ADGRB3: variants seen among roughly 807,000 people sequenced by gnomAD.
The protein encoded by ADGRB3 is brain-specific angiogenesis inhibitor 3.
ADGRB3 carries 37 observed loss-of-function variants against 193.4 expected under a neutral mutation model. The ratio of observed to expected loss-of-function variants is 0.19; its 90% CI spans 0.15 to 0.25. ADGRB3 has a LOEUF of 0.25. ADGRB3 is among the 10% of genes least tolerant of loss of function. ADGRB3 has a pLI of 1.00. For synonymous variants in ADGRB3, 690 were observed against 644.2 expected (o/e 1.07, Z -1.08); for missense variants, 1,637 against 1,852.9 (o/e 0.88, Z 2.14).
chr6:68,692,068 C>G (rs1245374401), intron 3 of ADGRB3, among the ~76,000 whole-genome samples: 1 of 151,782 alleles, frequency 6.6e-6, no homozygotes, highest in Non-Finnish European at 1.5e-5. Flanking sequence ...ATATACTCAT[C>G]TGCAAAAACC....
chr6:68,992,811 G>A (rs918053343), intron 10 of ADGRB3, among the ~76,000 whole-genome samples: 1 of 152,024 alleles, frequency 6.6e-6, no homozygotes, highest in African/African-American at 2.4e-5. Context: ...TAAAAGATTT[G>A]TTGGCACAGT....
chr6:69,219,853 T>G (rs1765855401), intron 17 of ADGRB3, among the ~76,000 whole-genome samples: 1 of 152,086 alleles, frequency 6.6e-6, no homozygotes, highest in East Asian at 1.9e-4. Flanking sequence ...TAATATAAAC[T>G]ATATTGTGCT....
At chr6:69,146,097 G>A (rs1207138603) in intron 17 of ADGRB3, among the ~76,000 whole-genome samples, 13 of 152,054 alleles carry the variant, frequency 8.5e-5, no homozygotes, top group South Asian at 4.1e-4. Flanking sequence ...TACTTGCCTC[G>A]TACCACTTTT....
intron 5 of ADGRB3, 73 bp downstream of exon 5, chr6:68,936,753 A>G: frequency 6.7e-7 from 1 of 1,485,938 alleles, no homozygotes; most frequent in South Asian, 1.3e-5. Context: ...ACGATTTGTT[A>G]TTTTCATATG....
chr6:68,783,224 A>G (rs1726074904), intron 3 of ADGRB3, among the ~76,000 whole-genome samples: 1 of 150,354 alleles, frequency 6.7e-6, no homozygotes, highest in African/African-American at 2.4e-5. Flanking sequence ...TTGAACAGCC[A>G]AGATTCTGAT....
chr6:69,216,003 T>C (rs1055946157), intron 17 of ADGRB3, among the ~76,000 whole-genome samples: 2 of 152,168 alleles, frequency 1.3e-5, no homozygotes, highest in Admixed American at 6.6e-5. Flanking sequence ...TCGTCTTCCA[T>C]TGGGATAGGA....
chr6:68,821,015 C>A (rs1378178230), intron 3 of ADGRB3, among the ~76,000 whole-genome samples: 2 of 151,970 alleles, frequency 1.3e-5, no homozygotes, highest in African/African-American at 4.8e-5. Context: ...TCAAATGTCA[C>A]CTTCCTTAGG....
In ADGRB3 at chr6:69,355,854, C is replaced by A. The variant is rs753963400; in HGVS notation, c.3589C>A (p.Arg1197=). The A allele has an allele frequency of 2.5e-6, 4 of 1,604,176 alleles. No individual in the cohort carries two copies. Among genetic ancestry groups the A allele is most frequent in the South Asian group, 2.2e-5 (2 of 90,758 alleles). ...DFEKDVDIAC[R]SVLHKDIGPC... ...TGAAAAGGATGTAGACATTGCCTGT[C>A]GATCAGGTAAGAATATTTAGATTTT... is the stretch of plus-strand genomic sequence containing the variant. Residue 1197 remains arginine, a synonymous_variant, in exon 28 of 32, where the codon CGA becomes AGA. Coordinates refer to ENST00000370598, the MANE Select transcript of ADGRB3 (RefSeq NM_001704.3).
intron 3 of ADGRB3, among the ~76,000 whole-genome samples, chr6:68,872,241 C>A (rs1265611815): frequency 2.0e-5 from 3 of 152,062 alleles, no homozygotes; most frequent in Admixed American, 6.6e-5. Context: ...TTTTTGAAGA[C>A]AAGTCTTTGC....
chr6:69,030,134 G>A (rs975880471), intron 13 of ADGRB3, among the ~76,000 whole-genome samples: 4 of 152,004 alleles, frequency 2.6e-5, no homozygotes, highest in African/African-American at 9.7e-5. Flanking sequence ...GAGAGGATGT[G>A]GAGAAATAGG....
At chr6:69,196,321 G>C (rs763029233) in intron 17 of ADGRB3, among the ~76,000 whole-genome samples, 5 of 152,010 alleles carry the variant, frequency 3.3e-5, no homozygotes, top group Non-Finnish European at 7.4e-5. Context: ...TGGTAAACAG[G>C]CTGGCCTTTC....
At chr6:69,315,029 G>T (rs1196519214) in intron 20 of ADGRB3, among the ~76,000 whole-genome samples, 1 of 151,348 alleles carries the variant, frequency 6.6e-6, no homozygotes, top group African/African-American at 2.4e-5. Flanking sequence ...AGTTGGTGGT[G>T]ATTTGAACAA....
intron 1 of ADGRB3, among the ~76,000 whole-genome samples, chr6:68,636,480 A>AT (rs1554162469): frequency 2.0e-5 from 3 of 149,518 alleles, no homozygotes; most frequent in South Asian, 2.1e-4. Context: ...AAATAAATAA[A>AT]ACATCCTTGA....
At chr6:69,276,430 C>T (rs990571338) in intron 20 of ADGRB3, among the ~76,000 whole-genome samples, 1 of 152,100 alleles carries the variant, frequency 6.6e-6, no homozygotes, top group African/African-American at 2.4e-5. Flanking sequence ...TAAGTCATTC[C>T]ATATCTGAAT....
At chr6:68,902,445 T>G (rs1274787075) in intron 3 of ADGRB3, among the ~76,000 whole-genome samples, 1 of 152,072 alleles carries the variant, frequency 6.6e-6, no homozygotes, top group Non-Finnish European at 1.5e-5. Flanking sequence ...TTCTTCATTA[T>G]GAATCAATAA....
At chr6:68,955,220 C>G (rs111639231) in intron 6 of ADGRB3, among the ~76,000 whole-genome samples, 23 of 152,254 alleles carry the variant, frequency 1.5e-4, no homozygotes, top group African/African-American at 5.3e-4. Context: ...TCAAGGCTTG[C>G]CTGAAGCCTC....
intron 17 of ADGRB3, among the ~76,000 whole-genome samples, chr6:69,211,644 A>G (rs950982458): frequency 1.1e-4 from 17 of 152,184 alleles, no homozygotes; most frequent in Non-Finnish European, 1.5e-5. Context: ...TTTATATTAT[A>G]TAAGATATTT....
chr6:69,099,894 G>T (rs1323574184), intron 17 of ADGRB3, among the ~76,000 whole-genome samples: 12 of 152,178 alleles, frequency 7.9e-5, no homozygotes, highest in Admixed American at 7.9e-4. Context: ...TATAGAATAT[G>T]AAGTTTTAAG....
chr6:69,055,943 ACCT>A (rs1424211628), intron 15 of ADGRB3, among the ~76,000 whole-genome samples: 1 of 151,522 alleles, frequency 6.6e-6, no homozygotes. Context: ...CAATTCTCCT[ACCT>A]CAGCCTCCCA....
Sources: allele counts gnomAD v4.1 joint callset (sites outside exome capture counted in the v4.1 genomes callset), GRCh38; gene constraint gnomAD v4.1.1; transcripts MANE v1.5; gene names NCBI Gene and HGNC (gene_info 2026-07-23, HGNC 2026-07-21).